The following CIDEC variants were observed in gnomAD, a reference collection of about 807,000 sequenced individuals.
CIDEC encodes lipid transferase CIDEC.
A neutral mutation model predicts 21.9 loss-of-function variants in CIDEC; 11 were observed. The ratio of observed to expected loss-of-function variants is 0.50; its 90% CI spans 0.32 to 0.83. The LOEUF (loss-of-function observed/expected upper bound fraction) is 0.83, where lower values mean the gene tolerates loss of function less well. CIDEC is among the 40% of genes least tolerant of loss of function. The pLI, the probability that CIDEC is intolerant of heterozygous loss-of-function variation, is 0.04. For synonymous variants in CIDEC, 127 were observed against 124.9 expected, an observed-to-expected ratio of 1.02 and a Z score of -0.11; for missense variants, 302 against 302.3, an observed-to-expected ratio of 1.00 and a Z score of 0.01.
chr3:9,866,876 G>A lies in CIDEC; in HGVS notation c.*258C>T. On this transcript the variant is annotated 3_prime_UTR_variant, in exon 7 of 7. Transcript: ENST00000336832. ...GGGGCAGACTTCATGCCAATGGAGG[G>A]ACAGACTTCAGGACCAGTCTGGATG... 1 of 608,584 alleles carries A rather than the reference G, an allele frequency of 1.6e-6. No individual in the cohort carries two copies. 37.7% of individuals were successfully genotyped at this position (608,584 alleles called of 1,614,324 possible).
intron 1 of CIDEC, among the ~76,000 whole-genome samples, chr3:9,879,287 G>A (rs1382342696): frequency 6.6e-6 from 1 of 151,832 alleles, no homozygotes; most frequent in African/African-American, 2.4e-5. Context: ...CCGTAGCTGG[G>A]ATTACAGGCA....
At position 9,877,205 on chromosome 3, in the gene CIDEC, C is replaced by CG; in HGVS notation, c.67dup (p.Arg23ProfsTer42). 1 of 1,550,370 alleles carries CG rather than the reference C, an allele frequency of 6.5e-7. No individual in the cohort carries two copies. Among genetic ancestry groups the CG allele is most frequent in the African/African-American group, 1.4e-5 (1 of 73,146 alleles). Reference sequence around the variant, plus strand: ...CAGCTGCTGGGTCACCACAGAGGTACGCACTGACACATGCCTGGGGCAGTT... The same window carrying CG: ...CAGCTGCTGGGTCACCACAGAGGTACGGCACTGACACATGCCTGGGGCAGTT... On this transcript the variant is annotated frameshift_variant, in exon 4 of 7. Transcript: ENST00000336832. LOFTEE classifies it high-confidence loss of function.
intron 4 of CIDEC, among the ~76,000 whole-genome samples, chr3:9,876,105 T>C (rs961171873): frequency 3.9e-5 from 6 of 152,196 alleles, no homozygotes; most frequent in Admixed American, 3.9e-4. Flanking sequence ...AGCCTAATAA[T>C]TGGAAGCCTA....
In CIDEC at chr3:9,870,156, G is replaced by A; in HGVS notation, c.366+8C>T. The A allele has an allele frequency of 6.2e-7, 1 of 1,614,058 alleles. No homozygotes were observed. Among genetic ancestry groups the A allele is most frequent in the Non-Finnish European group, 8.5e-7 (1 of 1,179,972 alleles). Reference sequence around the variant, plus strand: ...CTCCCCCATCAGGTGCAACAGGTGGGACCTCACCTGTTCTGATGGGGGCTG... The same window carrying A: ...CTCCCCCATCAGGTGCAACAGGTGGAACCTCACCTGTTCTGATGGGGGCTG... On this transcript the variant is annotated splice_region_variant and intron_variant, in intron 5 of 6. Coordinates refer to ENST00000336832, the MANE Select transcript of CIDEC (RefSeq NM_001321142.2).
rs1229871219 is a variant in CIDEC at position 9,878,822 on chromosome 3, A to C, written c.-26+120T>G. ...TGGCTCTGGTCACACTGAGCAGATA[A>C]CCCAACTCAGGGCTGAAGAAGCCTT... is the stretch of plus-strand genomic sequence containing the variant. On this transcript the variant is annotated intron_variant, in intron 2 of 6. Transcript: ENST00000336832. 12 of 1,535,924 alleles carry C rather than the reference A, an allele frequency of 7.8e-6. No homozygotes were observed. In the Middle Eastern group the frequency reaches 8.3e-4, roughly 106 times the overall value.
chr3:9,866,840 C>G lies in CIDEC; in HGVS notation c.*294G>C. ...ACCATGAAAGTACAGCCTGCGAGGCCAGATTGCTAAGGGGCAGACTTCATG... is the reference window on the plus strand; with the variant it reads ...ACCATGAAAGTACAGCCTGCGAGGCGAGATTGCTAAGGGGCAGACTTCATG... On this transcript the variant is annotated 3_prime_UTR_variant, in exon 7 of 7. Transcript: ENST00000336832. 1 of 596,022 alleles carries G rather than the reference C, an allele frequency of 1.7e-6. No individual in the cohort carries two copies. The highest frequency in any genetic ancestry group is 3.0e-6 in the Non-Finnish European group (1 of 334,152). 36.9% of individuals were successfully genotyped at this position (596,022 alleles called of 1,614,324 possible).
At position 9,877,090 on chromosome 3, in the gene CIDEC, G is replaced by A. The variant is rs751474684; in HGVS notation, c.183C>T (p.Tyr61=). 1.1e-5 allele frequency: 17 copies of A among 1,553,398 alleles called. No homozygotes were observed. The highest frequency in any genetic ancestry group is 5.9e-5 in the Admixed American group (3 of 51,098). ...CCTTGAGGAGGAGGTCCTCAAGACTGTAAGCCATGATGCCCTTCCTCACGC... is the reference window on the plus strand; with the variant it reads ...CCTTGAGGAGGAGGTCCTCAAGACTATAAGCCATGATGCCCTTCCTCACGC... ...DRSVRKGIMA[Y]SLEDLLLKVR... The change falls in exon 4 of 7, where the codon TAC becomes TAT. Residue 61 remains tyrosine (Y), a synonymous_variant. Transcript: ENST00000336832.
chr3:9,870,567 A>T (rs567067738), intron 4 of CIDEC: 2 of 1,194,314 alleles, frequency 1.7e-6, no homozygotes, highest in East Asian at 5.1e-5. Context: ...ACCCTCTAAA[A>T]GTGTACAATT....
At chr3:9,874,841 C>T (rs946484322) in intron 4 of CIDEC, among the ~76,000 whole-genome samples, 3 of 152,060 alleles carry the variant, frequency 2.0e-5, no homozygotes, top group Admixed American at 6.6e-5. Context: ...AGTGATCATC[C>T]TGCCTCAGCC....
In CIDEC at chr3:9,869,898, C is replaced by T. The variant is rs1361679244; in HGVS notation, c.538G>A (p.Ala180Thr). 6.2e-7 allele frequency: 1 copy of T among 1,612,870 alleles called. No individual in the cohort carries two copies. Among genetic ancestry groups the T allele is most frequent in the Admixed American group, 1.7e-5 (1 of 59,984 alleles). ...TTTGCTCACTTCATGATGCGCTTGG[C>T]CCCACAGCAGTGCAGATCATAGGAA... Reference protein sequence around the residue: ...SLSYDLHCCGAKRIMKEAFRW... With the variant: ...SLSYDLHCCGTKRIMKEAFRW... Residue 180 changes from alanine to threonine, a missense_variant, in exon 6 of 7, where the codon GCC becomes ACC. By Grantham distance (58) the Ala-to-Thr change is moderately conservative. Coordinates refer to ENST00000336832, the MANE Select transcript of CIDEC (RefSeq NM_001321142.2).
At position 9,870,249 on chromosome 3, in the gene CIDEC, G is replaced by A; in HGVS notation, c.281C>T (p.Thr94Ile). Reference sequence around the variant, plus strand: ...TGCCAGGGCTTGGAAGTACTCTTCTGTCTCTACAGTTGTGCCATCTTCCTC... The same window carrying A: ...TGCCAGGGCTTGGAAGTACTCTTCTATCTCTACAGTTGTGCCATCTTCCTC... ...VLEEDGTTVE[T>I]EEYFQALAGD... Residue 94 changes from threonine (T) to isoleucine (I), a missense_variant, in exon 5 of 7, where the codon ACA (threonine) becomes ATA (isoleucine). Transcript: ENST00000336832. 6.2e-7 allele frequency: 1 copy of A among 1,614,138 alleles called. No individual in the cohort carries two copies. The highest frequency in any genetic ancestry group is 8.5e-7 in the Non-Finnish European group (1 of 1,180,020).
chr3:9,871,345 AT>A (rs58903003), intron 4 of CIDEC, among the ~76,000 whole-genome samples: 6,200 of 120,678 alleles, frequency 0.051, 430 homozygotes, highest in African/African-American at 0.18. Context: ...TGCCCAGCTA[AT>A]TTTTTTTTTT....
At chr3:9,868,166 C>T (rs1454071856) in intron 6 of CIDEC, among the ~76,000 whole-genome samples, 1 of 152,198 alleles carries the variant, frequency 6.6e-6, no homozygotes, top group Non-Finnish European at 1.5e-5. Flanking sequence ...TGCAATTCCA[C>T]CTTAACTGAG....
chr3:9,870,572 A>T, intron 4 of CIDEC: 1 of 1,150,540 alleles, frequency 8.7e-7, no homozygotes, highest in Non-Finnish European at 1.2e-6. Flanking sequence ...CTAAAAGTGT[A>T]CAATTCAGGG....
intron 6 of CIDEC, among the ~76,000 whole-genome samples, chr3:9,867,720 G>A (rs2082292360): frequency 6.6e-6 from 1 of 152,148 alleles, no homozygotes; most frequent in Admixed American, 6.5e-5. Context: ...TTGAGGTCAG[G>A]AGTTTGAGAC....
Position 9,877,158 on chromosome 3 carries a change from C to A in CIDEC, c.115G>T (p.Ala39Ser). 1 of 1,551,604 alleles carries A rather than the reference C, an allele frequency of 6.4e-7. No homozygotes were observed. Among genetic ancestry groups the A allele is most frequent in the Non-Finnish European group, 8.7e-7 (1 of 1,147,168 alleles). ...QQLLSEPSPKAPRARPCRVST... is the reference protein window; with the variant it reads ...QQLLSEPSPKSPRARPCRVST... ...ACGCGGCAGGGCCGGGCCCTGGGGG[C>A]CTTGGGGCTGGGCTCCGACAGCAGC... The change falls in exon 4 of 7, where the codon GCC becomes TCC. Residue 39 changes from alanine (A) to serine (S), a missense_variant. Physicochemically the swap from Ala to Ser is moderately conservative, Grantham distance 99. Coordinates refer to ENST00000336832, the MANE Select transcript of CIDEC (RefSeq NM_001321142.2).
intron 4 of CIDEC, among the ~76,000 whole-genome samples, chr3:9,873,675 A>T (rs1189109527): frequency 6.6e-6 from 1 of 152,192 alleles, no homozygotes; most frequent in Admixed American, 6.5e-5. Flanking sequence ...TTTCAATCCC[A>T]GTGAATGCAC....
chr3:9,869,953 C>T lies in CIDEC; in HGVS notation c.483G>A (p.Val161=), dbSNP rs769797945. ...NPQDFIGCLN[V]KATFYDTYSL... ...AGTATGTATCATAAAAAGTCGCCTT[C>T]ACGTTCAGGCAGCCAATGAAGTCCT... The change falls in exon 6 of 7, where the codon GTG becomes GTA. Residue 161 remains valine, a synonymous_variant. Coordinates refer to ENST00000336832, the MANE Select transcript of CIDEC (RefSeq NM_001321142.2). The T allele has an allele frequency of 6.2e-7, 1 of 1,614,194 alleles. No homozygotes were observed. Among genetic ancestry groups the T allele is most frequent in the Admixed American group, 1.7e-5 (1 of 60,020 alleles).
At chr3:9,869,840 G>A (rs1482441405) in intron 6 of CIDEC, 42 bp downstream of exon 6, 12 of 1,586,308 alleles carry the variant, frequency 7.6e-6, no homozygotes, top group African/African-American at 1.3e-5. Context: ...CTCTCCCATT[G>A]CCTGTACCCA....
Sources: allele counts gnomAD v4.1 joint callset (sites outside exome capture counted in the v4.1 genomes callset), GRCh38; gene constraint gnomAD v4.1.1; transcripts MANE v1.5; gene names NCBI Gene and HGNC (gene_info 2026-07-23, HGNC 2026-07-21).